The following SYNE2 variants were observed in gnomAD, a reference collection of about 807,000 sequenced individuals.
The protein encoded by SYNE2 is spectrin repeat containing nuclear envelope protein 2.
In SYNE2, 431 loss-of-function variants were observed where a neutral mutation model predicts 856.3. The observed-to-expected ratio is 0.50, with a 90% CI of 0.47 to 0.55. SYNE2 has a LOEUF of 0.55. SYNE2 is among the 20% of genes least tolerant of loss of function. The probability of loss-of-function intolerance (pLI) is 0.00; values close to 1 mark genes in which losing one functional copy is unlikely to be tolerated. For missense variants in SYNE2, 8,129 were observed against 8,023.2 expected (o/e 1.01, Z -0.50); for synonymous variants, 2,923 against 2,872.3 (o/e 1.02, Z -0.56).
chr14:64,126,390 C>G lies in SYNE2; in HGVS notation c.13618C>G (p.Leu4540Val). The part of the protein sequence containing the change: ...DKKLFELFLT[L>V]SQCLSSVEEM... ...AAAATTGTTTGAACTATTCCTGACC[C>G]TCAGTCAGTGCCTCAGCAGTGTGGA... Residue 4540 changes from leucine (L) to valine (V), a missense_variant, in exon 72 of 116, where the codon CTC becomes GTC. Physicochemically the swap from Leu to Val is conservative, Grantham distance 32. This residue lies in a region of SYNE2 where 5,410 missense variants were observed against 5,284.8 expected (regional missense o/e 1.02). Transcript: ENST00000555002. The G allele has an allele frequency of 6.2e-7, 1 of 1,614,126 alleles. No homozygotes were observed. Among genetic ancestry groups the G allele is most frequent in the Non-Finnish European group, 8.5e-7 (1 of 1,179,994 alleles).
Position 63,965,123 on chromosome 14 carries a change from C to T in SYNE2, c.990+1123C>T, listed in dbSNP as rs941566360. On this transcript the variant is annotated intron_variant, in intron 10 of 115. Transcript: ENST00000555002. ...GTTTACAGGCATCCGCCACCAGGCCCGGCTAATTTTTATATTTTTAGTGGA... is the reference window on the plus strand; with the variant it reads ...GTTTACAGGCATCCGCCACCAGGCCTGGCTAATTTTTATATTTTTAGTGGA... 1.2e-4 allele frequency among the ~76,000 whole-genome samples: 18 copies of T among 151,872 alleles called. No individual in the cohort carries two copies. The Middle Eastern group carries it at 0.01, about 86-fold the overall frequency.
chr14:63,887,749 CTTTTT>C (rs11450102), intron 1 of SYNE2, among the ~76,000 whole-genome samples: 1 of 108,286 alleles, frequency 9.2e-6, no homozygotes, highest in South Asian at 2.8e-4. Flanking sequence ...GTGAGTCCTG[CTTTTT>C]TTTTTTTTTT....
intron 53 of SYNE2, 83 bp from the exon 54 acceptor site, chr14:64,075,862 T>A (rs931390926): frequency 6.9e-7 from 1 of 1,457,466 alleles, no homozygotes; most frequent in Non-Finnish European, 9.6e-7. Flanking sequence ...ATCATAAGGA[T>A]GTGCTGGAAG....
At chr14:63,766,678 A>C (rs552480358) in intron 1 of SYNE2, among the ~76,000 whole-genome samples, 3 of 152,330 alleles carry the variant, frequency 2.0e-5, no homozygotes, top group Middle Eastern at 3.4e-3. Context: ...ATTCTGGGAC[A>C]ACGTTGTTTA....
chr14:63,880,843 A>T (rs939657902), intron 1 of SYNE2, among the ~76,000 whole-genome samples: 5 of 150,228 alleles, frequency 3.3e-5, no homozygotes, highest in Non-Finnish European at 5.9e-5. Flanking sequence ...TGGCTAATTT[A>T]AAAAAAATTT....
At chr14:63,812,652 A>G (rs1888658046) in intron 1 of SYNE2, among the ~76,000 whole-genome samples, 1 of 152,208 alleles carries the variant, frequency 6.6e-6, no homozygotes, top group South Asian at 2.1e-4. Flanking sequence ...AAATTATAAA[A>G]GTTTTAATTT....
chr14:64,135,846 G>T (rs1282333412), intron 78 of SYNE2, among the ~76,000 whole-genome samples: 1 of 152,198 alleles, frequency 6.6e-6, no homozygotes, highest in African/African-American at 2.4e-5. Flanking sequence ...AGGTTTGTGT[G>T]AGTCTGACAG....
intron 1 of SYNE2, among the ~76,000 whole-genome samples, chr14:63,844,448 T>G (rs1337618116): frequency 6.6e-6 from 1 of 152,210 alleles, no homozygotes; most frequent in Non-Finnish European, 1.5e-5. Context: ...TGCTACCAAG[T>G]TTTGGCAATG....
chr14:63,851,742 C>T (rs1251260728), upstream of SYNE2, among the ~76,000 whole-genome samples: 3 of 151,824 alleles, frequency 2.0e-5, no homozygotes, highest in African/African-American at 7.3e-5. Flanking sequence ...TTAAATAATT[C>T]AGGCAAGATT....
intron 93 of SYNE2, among the ~76,000 whole-genome samples, chr14:64,169,961 A>C (rs2098402718): frequency 6.6e-6 from 1 of 152,244 alleles, no homozygotes; most frequent in Non-Finnish European, 1.5e-5. Context: ...ATATTAAAAC[A>C]GCTTCAGTTT....
At chr14:64,127,745 A>G (rs1419573035) in intron 73 of SYNE2, among the ~76,000 whole-genome samples, 2 of 152,230 alleles carry the variant, frequency 1.3e-5, no homozygotes, top group Non-Finnish European at 2.9e-5. Flanking sequence ...ACTATTTATG[A>G]ATGAGGCTTG....
At chr14:64,050,003 G>T in intron 47 of SYNE2, 127 bp downstream of exon 47, 3 of 1,150,256 alleles carry the variant, frequency 2.6e-6, no homozygotes, top group South Asian at 1.5e-5. Context: ...CCACAGGATG[G>T]AATGTTATTT....
chr14:63,796,219 G>T (rs978427286), intron 1 of SYNE2, among the ~76,000 whole-genome samples: 7 of 152,186 alleles, frequency 4.6e-5, no homozygotes, highest in Non-Finnish European at 8.8e-5. Context: ...TGAGCACTTT[G>T]GGAGTCCACT....
intron 30 of SYNE2, 101 bp downstream of exon 30, chr14:64,003,431 A>G (rs2153506256): frequency 7.0e-7 from 1 of 1,434,542 alleles, no homozygotes. Context: ...TTCTGCTTCT[A>G]TTCCATCCCA....
At position 64,214,305 on chromosome 14, in the gene SYNE2, C is replaced by T. The variant is rs769003822; in HGVS notation, c.19168C>T (p.Pro6390Ser). The part of the protein sequence containing the change: ...KRGESEEPSS[P>S]QSLCHLVAPG... ...GGGAGAGAGCGAGGAACCGTCATCT[C>T]CTCAGTCCCTGTGTCATCTAGTGGC... Residue 6390 changes from proline (P) to serine (S), a missense_variant, in exon 106 of 116, where the codon CCT (proline) becomes TCT (serine). Pro to Ser is a moderately conservative substitution (Grantham distance 74). Transcript: ENST00000555002. 7 of 1,614,096 alleles carry T rather than the reference C, an allele frequency of 4.3e-6. No individual in the cohort carries two copies. The highest frequency in any genetic ancestry group is 4.2e-6 in the Non-Finnish European group (5 of 1,180,014).
rs566567674 is a variant in SYNE2 at position 63,817,501 on chromosome 14, C to A, written c.-304-35000C>A. On this transcript the variant is annotated intron_variant, in intron 1 of 23. Coordinates refer to the SYNE2 transcript ENST00000674003. ...AAACAAAAACAAACAAACAAACAAA[C>A]AAAAAAAGACGTAGGTCATCATTCT... 4.7e-3 allele frequency among the ~76,000 whole-genome samples: 719 copies of A among 151,708 alleles called. 4 individuals carry two copies. The highest frequency in any genetic ancestry group is 0.017 in the African/African-American group (692 of 41,402).
At chr14:64,048,878 C>T (rs1263730353) in intron 46 of SYNE2, 3 of 149,674 alleles carry the variant, frequency 2.0e-5, no homozygotes, top group African/African-American at 7.4e-5. Context: ...CACTGCATTC[C>T]AGCCTAGATG....
At chr14:64,083,596 G>A (rs1023123590) in intron 57 of SYNE2, among the ~76,000 whole-genome samples, 7 of 152,160 alleles carry the variant, frequency 4.6e-5, no homozygotes, top group African/African-American at 1.7e-4. Context: ...ATTTCTATGT[G>A]TCCCGATGTG....
rs1052481896 is a variant in SYNE2, at chr14:63,889,141, A to C, written c.-51-19957A>C. Among the ~76,000 whole-genome samples the C allele has an allele frequency of 6.1e-5, 9 of 148,504 alleles. 1 individual carries two copies. Among genetic ancestry groups the C allele is most frequent in the South Asian group, 4.3e-4 (2 of 4,692 alleles). On this transcript the variant is annotated intron_variant, in intron 1 of 115. Coordinates refer to ENST00000555002, the MANE Select transcript of SYNE2 (RefSeq NM_182914.3). ...CTGGTGGCATTTGGATGGTGAAGCT[A>C]TGGGTATAGTTTTTTTTTTTGTAGT... is the stretch of plus-strand genomic sequence containing the variant.
Sources: gnomAD v4.1 joint callset for allele counts (sites outside exome capture counted in the v4.1 genomes callset) on GRCh38, gnomAD v4.1.1 for gene constraint, gnomAD v4.1.1 regional missense constraint, MANE v1.5 for transcripts, NCBI Gene and HGNC (gene_info 2026-07-23, HGNC 2026-07-21) for gene names.